The following PRH1 variants were observed in gnomAD, a reference collection of about 807,000 sequenced individuals.
The protein encoded by PRH1 is salivary acidic proline-rich phosphoprotein 1/2.
Under a neutral mutation model 7.9 loss-of-function variants are expected in PRH1, and 7 were observed. That is an observed-to-expected ratio of 0.89 (90% CI 0.50 to 1.67). The LOEUF (loss-of-function observed/expected upper bound fraction) is 1.67, where lower values mean the gene tolerates loss of function less well. PRH1 is among the 40% of genes most tolerant of loss of function. PRH1 has a pLI of 0.00. For synonymous variants in PRH1, 45 were observed against 80.8 expected (o/e 0.56, Z 2.38); for missense variants, 109 against 223.6 (o/e 0.49, Z 3.27).
intron 2 of PRH1, chr12:10,909,377 G>T: frequency 1.1e-6 from 1 of 943,996 alleles, no homozygotes; most frequent in Non-Finnish European, 1.6e-6. Flanking sequence ...ATCCTTGAGT[G>T]TCCAGTGGAG....
At position 11,087,558 on chromosome 12, in the gene PRH1, G is replaced by C. The variant is rs558380305; in HGVS notation, n.124-40370C>G. On this transcript the variant is annotated intron_variant and non_coding_transcript_variant, in intron 1 of 4. Transcript: ENST00000541977. ...ACTCACATTATTCGTGAACTGTGGA[G>C]TAAGGGACATTATTATAGCAGGACC... Among the ~76,000 whole-genome samples, 49 of 116,904 alleles carry C rather than the reference G, an allele frequency of 4.2e-4. 15 individuals are homozygous for C. The highest frequency in any genetic ancestry group is 3.8e-3 in the Middle Eastern group (1 of 260). 76.7% of individuals were successfully genotyped at this position (116,904 alleles called of 152,430 possible). A position where few individuals can be genotyped will look rare whatever the true frequency, so the allele number is the denominator to read the frequency against.
chr12:10,987,766 G>A (rs2135986115), intron 1 of PRH1, among the ~76,000 whole-genome samples: 1 of 152,130 alleles, frequency 6.6e-6, no homozygotes, highest in African/African-American at 2.4e-5. Flanking sequence ...TTACTCTCAA[G>A]TCTATTTAAT....
At chr12:11,080,166 A>G (rs1421483555) in intron 1 of PRH1, among the ~76,000 whole-genome samples, 4 of 124,970 alleles carry the variant, frequency 3.2e-5, no homozygotes, top group African/African-American at 8.3e-5. Context: ...TACTTTACCA[A>G]CAAGCTATGC....
chr12:11,167,167 G>GT (rs1310874254), intron 1 of PRH1, among the ~76,000 whole-genome samples: 1 of 152,044 alleles, frequency 6.6e-6, no homozygotes, highest in Non-Finnish European at 1.5e-5. Context: ...CTCCTATACC[G>GT]TGTACCATAA....
chr12:11,000,250 T>C (rs1459569957), intron 1 of PRH1, among the ~76,000 whole-genome samples: 1 of 152,150 alleles, frequency 6.6e-6, no homozygotes, highest in Non-Finnish European at 1.5e-5. Flanking sequence ...TCAACATTCA[T>C]TTAGAATTAT....
upstream of PRH1, chr12:10,884,412 G>T: frequency 1.6e-6 from 1 of 638,566 alleles, no homozygotes; most frequent in Non-Finnish European, 2.8e-6. Context: ...TAGCTCAGCA[G>T]GAAGGGTTGG....
intron 2 of PRH1, among the ~76,000 whole-genome samples, chr12:10,907,086 A>G (rs1949815177): frequency 6.6e-6 from 1 of 152,204 alleles, no homozygotes; most frequent in African/African-American, 2.4e-5. Flanking sequence ...AACAAAACAG[A>G]GTACCTACCA....
intron 3 of PRH1, among the ~76,000 whole-genome samples, chr12:10,881,451 T>C (rs1371825491): frequency 6.6e-6 from 1 of 152,172 alleles, no homozygotes; most frequent in Non-Finnish European, 1.5e-5. Flanking sequence ...TAGAATAGTA[T>C]ACAATTGTAA....
upstream of PRH1, chr12:11,048,524 G>C: frequency 2.5e-6 from 1 of 399,222 alleles, no homozygotes; most frequent in East Asian, 5.5e-5. Flanking sequence ...GATGTGATTA[G>C]ACACAGAAAG....
intron 1 of PRH1, among the ~76,000 whole-genome samples, chr12:11,055,170 A>G (rs1412991063): frequency 6.6e-6 from 1 of 151,892 alleles, no homozygotes; most frequent in Admixed American, 6.6e-5. Context: ...TTGAGAAAAT[A>G]TGATTAGTTA....
At chr12:11,012,059 G>A (rs763073899) in intron 1 of PRH1, among the ~76,000 whole-genome samples, 2 of 152,142 alleles carry the variant, frequency 1.3e-5, no homozygotes, top group Non-Finnish European at 2.9e-5. Flanking sequence ...AATATGAATT[G>A]TTTAATTAAA....
At chr12:10,900,917 T>C (rs1363424539) in intron 2 of PRH1, among the ~76,000 whole-genome samples, 1 of 152,062 alleles carries the variant, frequency 6.6e-6, no homozygotes, top group Non-Finnish European at 1.5e-5. Flanking sequence ...TTCCTTGACG[T>C]AGGTCATGGT....
At chr12:11,097,455 T>C (rs1309578386) in intron 1 of PRH1, among the ~76,000 whole-genome samples, 1 of 114,788 alleles carries the variant, frequency 8.7e-6, no homozygotes, top group Non-Finnish European at 2.1e-5. Context: ...TCTTTCTTAT[T>C]AAGGAATTTT....
chr12:10,943,823 C>A (rs967805990), intron 2 of PRH1, among the ~76,000 whole-genome samples: 1 of 152,096 alleles, frequency 6.6e-6, no homozygotes. Context: ...TTATTAAATA[C>A]GAAGTCTTGT....
chr12:10,948,435 T>A (rs116857873), intron 2 of PRH1, among the ~76,000 whole-genome samples: 3,006 of 152,342 alleles, frequency 0.02, 33 homozygotes, highest in South Asian at 0.031. Context: ...ATCCTTGTGA[T>A]TGCATTGTGA....
intron 2 of PRH1, among the ~76,000 whole-genome samples, chr12:10,912,254 CTTA>C (rs1949911175): frequency 1.3e-5 from 2 of 152,050 alleles, no homozygotes; most frequent in Admixed American, 1.3e-4. Flanking sequence ...TAACATGTAA[CTTA>C]TTATTGAGTA....
At chr12:10,968,580 G>A (rs1479734042) in intron 2 of PRH1, among the ~76,000 whole-genome samples, 1 of 152,192 alleles carries the variant, frequency 6.6e-6, no homozygotes, top group Non-Finnish European at 1.5e-5. Flanking sequence ...CAGCATCAGG[G>A]CTTAGACTGA....
intron 2 of PRH1, chr12:10,891,360 A>C (rs1316665698): frequency 1.3e-5 from 2 of 152,212 alleles, no homozygotes; most frequent in Non-Finnish European, 1.5e-5. Flanking sequence ...TATCTGGAGA[A>C]GACAGCTAAA....
At chr12:11,165,536 T>C (rs1947548734) in intron 1 of PRH1, among the ~76,000 whole-genome samples, 1 of 152,202 alleles carries the variant, frequency 6.6e-6, no homozygotes, top group Admixed American at 6.5e-5. Context: ...TCCACTAGAA[T>C]TTTAACACAT....
Sources: allele counts gnomAD v4.1 joint callset (sites outside exome capture counted in the v4.1 genomes callset), GRCh38; gene constraint gnomAD v4.1.1; transcripts MANE v1.5; gene names NCBI Gene and HGNC (gene_info 2026-07-23, HGNC 2026-07-21).